Variants in LRP1B observed in about 807,000 individuals in gnomAD.
LRP1B encodes the protein low-density lipoprotein receptor-related protein 1B.
LRP1B carries 217 observed loss-of-function variants against 556.6 expected under a neutral mutation model. The observed-to-expected ratio is 0.39, with a 90% confidence interval of 0.35 to 0.44. LRP1B has a LOEUF of 0.44. Ranked by LOEUF, LRP1B falls within the 20% of genes least tolerant of loss-of-function variation. The probability of loss-of-function intolerance (pLI) is 1.00; values close to 1 mark genes in which losing one functional copy is unlikely to be tolerated. For synonymous variants in LRP1B, 2,047 were observed against 1,865.8 expected (o/e 1.10, Z -2.50); for missense variants, 5,053 against 5,620.8 (o/e 0.90, Z 3.23).
At chr2:140,935,971 T>G (rs1367948483) in intron 20 of LRP1B, among the ~76,000 whole-genome samples, 1 of 151,662 alleles carries the variant, frequency 6.6e-6, no homozygotes, top group Non-Finnish European at 1.5e-5. Context: ...TACCTATATA[T>G]ATGCATATCA....
chr2:140,306,397 C>T (rs1684069171), intron 83 of LRP1B, among the ~76,000 whole-genome samples: 1 of 150,588 alleles, frequency 6.6e-6, no homozygotes. Context: ...TGTAAGTGTC[C>T]AGGAATTTAT....
At chr2:141,107,418 C>T (rs1439301604) in intron 7 of LRP1B, among the ~76,000 whole-genome samples, 6 of 152,014 alleles carry the variant, frequency 3.9e-5, no homozygotes, top group Middle Eastern at 3.2e-3. Context: ...GAGGCTGAGG[C>T]GGGTGGATCA....
chr2:141,494,556 C>A (rs1483803555), intron 2 of LRP1B, among the ~76,000 whole-genome samples: 7 of 151,506 alleles, frequency 4.6e-5, no homozygotes, highest in Admixed American at 4.6e-4. Flanking sequence ...GCTGTTTTTG[C>A]CACTGAAACT....
At chr2:141,513,260 C>T (rs1488138245) in intron 2 of LRP1B, among the ~76,000 whole-genome samples, 1 of 151,996 alleles carries the variant, frequency 6.6e-6, no homozygotes, top group Non-Finnish European at 1.5e-5. Flanking sequence ...AATTATCTAA[C>T]TTTTTTCCAG....
chr2:142,067,602 A>C (rs1041810598), intron 1 of LRP1B, among the ~76,000 whole-genome samples: 10 of 151,606 alleles, frequency 6.6e-5, no homozygotes, highest in Non-Finnish European at 1.5e-4. Context: ...ACTGTAAAGC[A>C]CAGTTTTTTC....
chr2:140,663,090 C>T (rs1337068327), intron 41 of LRP1B, among the ~76,000 whole-genome samples: 1 of 152,052 alleles, frequency 6.6e-6, no homozygotes, highest in Non-Finnish European at 1.5e-5. Flanking sequence ...AATTTCAGCT[C>T]AATGATATGT....
intron 2 of LRP1B, among the ~76,000 whole-genome samples, chr2:141,578,714 T>C (rs1686850447): frequency 6.6e-6 from 1 of 152,182 alleles, no homozygotes; most frequent in African/African-American, 2.4e-5. Context: ...CAATTTTAGA[T>C]TATAACAGCA....
At chr2:141,041,198 T>C (rs1168533959) in intron 11 of LRP1B, among the ~76,000 whole-genome samples, 2 of 152,106 alleles carry the variant, frequency 1.3e-5, no homozygotes, top group Non-Finnish European at 2.9e-5. Context: ...CACACCTTCA[T>C]ACGTAAAGTC....
chr2:140,402,600 A>T (rs1313135597), intron 66 of LRP1B, among the ~76,000 whole-genome samples: 2 of 152,018 alleles, frequency 1.3e-5, no homozygotes, highest in East Asian at 1.9e-4. Flanking sequence ...ACACTGGGAC[A>T]GGAGTGAGTC....
intron 32 of LRP1B, among the ~76,000 whole-genome samples, chr2:140,800,289 C>A (rs1437743972): frequency 3.3e-5 from 5 of 151,984 alleles, no homozygotes; most frequent in Non-Finnish European, 5.9e-5. Flanking sequence ...AGGAAATATA[C>A]CTAATGTAAA....
At chr2:141,020,742 TA>T (rs1698041697) in intron 11 of LRP1B, among the ~76,000 whole-genome samples, 1 of 152,020 alleles carries the variant, frequency 6.6e-6, no homozygotes, top group Non-Finnish European at 1.5e-5. Flanking sequence ...CAGGCAGTGA[TA>T]ATTCAAATGT....
intron 1 of LRP1B, among the ~76,000 whole-genome samples, chr2:141,991,766 C>T (rs546387291): frequency 2.0e-5 from 3 of 152,018 alleles, no homozygotes; most frequent in Non-Finnish European, 2.9e-5. Flanking sequence ...CTGTAGTTTT[C>T]AACATTACCT....
intron 41 of LRP1B, among the ~76,000 whole-genome samples, chr2:140,642,775 C>T (rs1317374151): frequency 2.6e-5 from 4 of 152,060 alleles, no homozygotes; most frequent in South Asian, 2.1e-4. Flanking sequence ...ACCCGGGAGG[C>T]GGAGCTTGCA....
intron 7 of LRP1B, among the ~76,000 whole-genome samples, chr2:141,082,291 G>A (rs554363853): frequency 5.6e-4 from 85 of 152,292 alleles, no homozygotes; most frequent in Middle Eastern, 3.4e-3. Context: ...GCAGACAAAT[G>A]TCATGTGAGG....
At chr2:141,863,047 C>G (rs1392437014) in intron 1 of LRP1B, among the ~76,000 whole-genome samples, 1 of 152,116 alleles carries the variant, frequency 6.6e-6, no homozygotes, top group Non-Finnish European at 1.5e-5. Context: ...TGGTGGTAAG[C>G]TTAATTTCTT....
chr2:140,575,963 C>T (rs1382034414), intron 43 of LRP1B, among the ~76,000 whole-genome samples: 1 of 151,414 alleles, frequency 6.6e-6, no homozygotes, highest in East Asian at 1.9e-4. Flanking sequence ...TATCAAAGAA[C>T]GCGTTCAGCC....
chr2:142,027,908 A>G (rs538448753), intron 1 of LRP1B, among the ~76,000 whole-genome samples: 2 of 152,088 alleles, frequency 1.3e-5, no homozygotes, highest in Non-Finnish European at 2.9e-5. Context: ...GATTATCCAT[A>G]CTGGTACTTG....
intron 32 of LRP1B, among the ~76,000 whole-genome samples, chr2:140,809,260 A>T (rs1022958882): frequency 3.1e-4 from 47 of 152,184 alleles, no homozygotes; most frequent in African/African-American, 9.7e-4. Context: ...AAAAAATTTT[A>T]AAAAAGATTA....
intron 2 of LRP1B, among the ~76,000 whole-genome samples, chr2:141,551,613 C>T (rs1685753131): frequency 6.6e-6 from 1 of 152,004 alleles, no homozygotes; most frequent in Non-Finnish European, 1.5e-5. Flanking sequence ...GGAATATATT[C>T]AAACCTAAAC....
Sources: gnomAD v4.1 joint callset for allele counts (sites outside exome capture counted in the v4.1 genomes callset) on GRCh38, gnomAD v4.1.1 for gene constraint, MANE v1.5 for transcripts, NCBI Gene and HGNC (gene_info 2026-07-23, HGNC 2026-07-21) for gene names.